LINGO2: variants seen among roughly 807,000 people sequenced by gnomAD.
The protein encoded by LINGO2 is leucine rich repeat and Ig domain containing 2, also known as leucine-rich repeat and immunoglobulin-like domain-containing nogo receptor-interacting protein 2.
A neutral mutation model predicts 30.6 loss-of-function variants in LINGO2; 14 were observed. The observed-to-expected ratio is 0.46, with a 90% CI of 0.30 to 0.72. The LOEUF (loss-of-function observed/expected upper bound fraction) is 0.72, where lower values mean the gene tolerates loss of function less well. Ranked by LOEUF, LINGO2 falls within the 30% of genes least tolerant of loss-of-function variation. LINGO2 has a pLI of 0.07. For missense variants in LINGO2, 729 were observed against 751.7 expected (o/e 0.97, Z 0.35); for synonymous variants, 317 against 288.5 (o/e 1.10, Z -1.00).
At chr9:28,230,503 T>A (rs1217576940) in intron 4 of LINGO2, among the ~76,000 whole-genome samples, 1 of 151,842 alleles carries the variant, frequency 6.6e-6, no homozygotes, top group Non-Finnish European at 1.5e-5. Context: ...GTAAGGTAAA[T>A]CCCATCTTAA....
At chr9:29,172,625 A>C in the LINGO2 span, among the ~76,000 whole-genome samples, 1 of 151,946 alleles carries the variant, frequency 6.6e-6, no homozygotes, top group Non-Finnish European at 1.5e-5. Context: ...ACAGAAGAAA[A>C]ATAATCTCCT....
At chr9:28,769,512 ATATATATTTTTTTTTTTTTTTT>A in the LINGO2 span, among the ~76,000 whole-genome samples, 8 of 2,250 alleles carry the variant, frequency 3.6e-3, no homozygotes, top group South Asian at 0.019. Context: ...ATATATATAT[ATATATATTTTTTTTTTTTTTTT>A]TTTTTTTTTT....
intron 1 of LINGO2, among the ~76,000 whole-genome samples, chr9:28,514,605 G>C (rs1237882779): frequency 6.6e-6 from 1 of 152,164 alleles, no homozygotes; most frequent in Non-Finnish European, 1.5e-5. Flanking sequence ...AAGGATGAAA[G>C]ACGTGAAGAA....
the LINGO2 span, among the ~76,000 whole-genome samples, chr9:29,198,142 A>G: frequency 6.6e-6 from 1 of 152,138 alleles, no homozygotes. Context: ...CTATGCTCTA[A>G]TAGTCCTCTG....
At chr9:29,030,145 C>G in the LINGO2 span, among the ~76,000 whole-genome samples, 1 of 151,882 alleles carries the variant, frequency 6.6e-6, no homozygotes, top group Non-Finnish European at 1.5e-5. Context: ...TTTAGGATTG[C>G]CAAGTCTAAA....
At chr9:28,639,904 T>G (rs1425037524) in intron 1 of LINGO2, among the ~76,000 whole-genome samples, 1 of 152,200 alleles carries the variant, frequency 6.6e-6, no homozygotes, top group Non-Finnish European at 1.5e-5. Flanking sequence ...TGATGCAGTT[T>G]CTTCCTAGCC....
chr9:27,957,889 A>G (rs1018442635), intron 5 of LINGO2, among the ~76,000 whole-genome samples: 1 of 152,178 alleles, frequency 6.6e-6, no homozygotes, highest in Non-Finnish European at 1.5e-5. Context: ...CCTTCAACAA[A>G]TATTTTGTCA....
chr9:28,181,705 G>A (rs951329899), intron 4 of LINGO2, among the ~76,000 whole-genome samples: 1 of 152,140 alleles, frequency 6.6e-6, no homozygotes, highest in African/African-American at 2.4e-5. Flanking sequence ...CAGCAGCAGG[G>A]TTCATTCTCT....
At chr9:28,394,238 A>C (rs182524861) in intron 2 of LINGO2, among the ~76,000 whole-genome samples, 2 of 152,334 alleles carry the variant, frequency 1.3e-5, no homozygotes, top group Non-Finnish European at 2.9e-5. Flanking sequence ...CACTTTGCGT[A>C]AAGACTATGA....
At chr9:29,100,384 G>A in the LINGO2 span, among the ~76,000 whole-genome samples, 1 of 151,844 alleles carries the variant, frequency 6.6e-6, no homozygotes, top group African/African-American at 2.4e-5. Flanking sequence ...ATCACCTGAG[G>A]TCAGTTCAAG....
At chr9:28,702,676 A>C in the LINGO2 span, among the ~76,000 whole-genome samples, 7 of 151,946 alleles carry the variant, frequency 4.6e-5, no homozygotes, top group African/African-American at 1.4e-4. Flanking sequence ...TATTTCCTTC[A>C]CTTTTATTTT....
chr9:28,658,478 A>G (rs927887533), intron 1 of LINGO2, among the ~76,000 whole-genome samples: 3 of 151,996 alleles, frequency 2.0e-5, no homozygotes, highest in Admixed American at 1.3e-4. Flanking sequence ...TGACTCTTTT[A>G]TCACTATATA....
At chr9:28,855,884 A>G in the LINGO2 span, among the ~76,000 whole-genome samples, 11 of 152,156 alleles carry the variant, frequency 7.2e-5, no homozygotes, top group Admixed American at 2.0e-4. Flanking sequence ...ATCCCTGACT[A>G]TTCTTGCCTA....
chr9:28,790,540 T>G, the LINGO2 span, among the ~76,000 whole-genome samples: 1 of 151,374 alleles, frequency 6.6e-6, no homozygotes, highest in Non-Finnish European at 1.5e-5. Context: ...TTCACCGTGT[T>G]AGCCAGGATG....
the LINGO2 span, among the ~76,000 whole-genome samples, chr9:29,104,644 C>G: frequency 6.6e-6 from 1 of 152,024 alleles, no homozygotes; most frequent in Non-Finnish European, 1.5e-5. Flanking sequence ...CTCCTGGGGT[C>G]AAAATTCATA....
intron 1 of LINGO2, among the ~76,000 whole-genome samples, chr9:28,646,065 C>T (rs1827826208): frequency 6.6e-6 from 1 of 151,990 alleles, no homozygotes; most frequent in Non-Finnish European, 1.5e-5. Context: ...AACTGTAGGC[C>T]AACTACCAAG....
chr9:28,837,968 G>T, the LINGO2 span, among the ~76,000 whole-genome samples: 5 of 151,766 alleles, frequency 3.3e-5, no homozygotes, highest in African/African-American at 1.2e-4. Context: ...AAAGAACAAA[G>T]TTCTATAAAA....
At chr9:29,042,708 T>C in the LINGO2 span, among the ~76,000 whole-genome samples, 1 of 152,106 alleles carries the variant, frequency 6.6e-6, no homozygotes, top group African/African-American at 2.4e-5. Context: ...TATGTACACA[T>C]TGTGGGATGA....
chr9:28,334,589 T>G (rs1825528412), intron 3 of LINGO2, among the ~76,000 whole-genome samples: 1 of 152,082 alleles, frequency 6.6e-6, no homozygotes, highest in South Asian at 2.1e-4. Flanking sequence ...TTTAAATAAG[T>G]GTTTTCCGTA....
Sources: gnomAD v4.1 joint callset for allele counts (sites outside exome capture counted in the v4.1 genomes callset) on GRCh38, gnomAD v4.1.1 for gene constraint, MANE v1.5 for transcripts, NCBI Gene and HGNC (gene_info 2026-07-23, HGNC 2026-07-21) for gene names.